The following PLA2G4E variants were observed in gnomAD, a reference collection of about 807,000 sequenced individuals.
PLA2G4E encodes cytosolic phospholipase A2 epsilon.
Under a neutral mutation model 109.1 loss-of-function variants are expected in PLA2G4E, and 84 were observed. That is an observed-to-expected ratio of 0.77 (90% CI 0.65 to 0.92). The LOEUF (loss-of-function observed/expected upper bound fraction) is 0.92. Among genes scored for constraint, PLA2G4E ranks in the 40% least tolerant of loss-of-function variants. PLA2G4E has a pLI of 0.00. For synonymous variants in PLA2G4E, 469 were observed against 436.1 expected (o/e 1.08, Z -0.94); for missense variants, 1,057 against 1,076.6 (o/e 0.98, Z 0.25).
At chr15:42,004,432 A>G (rs201380757) in intron 5 of PLA2G4E, among the ~76,000 whole-genome samples, 1 of 111,776 alleles carries the variant, frequency 8.9e-6, no homozygotes, top group Non-Finnish European at 2.1e-5. Context: ...CAGGCAGGCA[A>G]GAAAGAAGAT....
intron 1 of PLA2G4E, among the ~76,000 whole-genome samples, chr15:42,034,735 C>T (rs1165036481): frequency 6.6e-6 from 1 of 152,128 alleles, no homozygotes; most frequent in Admixed American, 6.5e-5. Flanking sequence ...CCATCTTTGT[C>T]ACCATGTGGA....
rs138616918 is a variant in PLA2G4E at position 41,986,696 on chromosome 15, T to C, written c.2035+476A>G. Among the ~76,000 whole-genome samples, 499 of 152,216 alleles carry C rather than the reference T, an allele frequency of 3.3e-3. 5 individuals carry two copies. The highest frequency in any genetic ancestry group is 0.012 in the African/African-American group (481 of 41,530). On this transcript the variant is annotated intron_variant, in intron 17 of 19. Transcript: ENST00000399518. ...CATGCCCAGCTAATTAAAAACAATT[T>C]TTTTTTAAGAGATGGGGTCTCACCA...
rs2665199 is a variant in PLA2G4E at position 41,983,270 on chromosome 15, C to A, written c.*484G>T. 0.78 allele frequency: 123,675 copies of A among 158,206 alleles called. 49,206 individuals carry two copies. The highest frequency in any genetic ancestry group is 0.93 in the African/African-American group (38,676 of 41,602). 9.8% of individuals were successfully genotyped at this position (158,206 alleles called of 1,614,324 possible). A position where few individuals can be genotyped will look rare whatever the true frequency, so the allele number is the denominator to read the frequency against. Reference sequence around the variant, plus strand: ...CAGAGTGAGACTCCGTCTAAAAAAACCCAAAAATCACAAGACTAGAATTGC... The same window carrying A: ...CAGAGTGAGACTCCGTCTAAAAAAAACCAAAAATCACAAGACTAGAATTGC... On this transcript the variant is annotated 3_prime_UTR_variant, in exon 20 of 20. Coordinates refer to ENST00000399518, the Ensembl canonical transcript of PLA2G4E.
intron 13 of PLA2G4E, among the ~76,000 whole-genome samples, chr15:41,990,751 T>C: frequency 1.4e-5 from 2 of 145,674 alleles, no homozygotes; most frequent in East Asian, 2.0e-4. Flanking sequence ...CTTCTTTTTT[T>C]TTTTTTTTTT....
intron 1 of PLA2G4E, among the ~76,000 whole-genome samples, chr15:42,017,358 A>G (rs957761305): frequency 5.9e-5 from 9 of 152,190 alleles, no homozygotes; most frequent in African/African-American, 1.9e-4. Context: ...GTGCCTTCCA[A>G]TGCAGGTGAC....
At chr15:42,016,463 G>A (rs577887892) in intron 1 of PLA2G4E, among the ~76,000 whole-genome samples, 2 of 152,000 alleles carry the variant, frequency 1.3e-5, no homozygotes, top group Admixed American at 1.3e-4. Context: ...TCAGTCTCCT[G>A]AGTAGCTGGA....
chr15:42,031,489 A>C (rs1445833315), intron 1 of PLA2G4E, among the ~76,000 whole-genome samples: 4 of 151,258 alleles, frequency 2.6e-5, no homozygotes, highest in Admixed American at 6.6e-5. Context: ...GCACTTTCCC[A>C]TTTTTCCTCC....
At chr15:41,992,780 G>A (rs758488652) in exon 13 of PLA2G4E, 2 of 1,613,216 alleles carry the variant, frequency 1.2e-6, no homozygotes, top group Admixed American at 3.3e-5. Flanking sequence ...CCAGAAGTCT[G>A]TAAAGGTGAC....
chr15:42,013,882 G>GTTTTT (rs10539531), intron 1 of PLA2G4E, 125 bp from the exon 2 acceptor site: 38 of 134,292 alleles, frequency 2.8e-4, no homozygotes, highest in African/African-American at 1.0e-3. Context: ...CCCTAGGCTG[G>GTTTTT]TTTTTTTTTT....
At chr15:42,011,519 C>T (rs1022831682) in intron 2 of PLA2G4E, among the ~76,000 whole-genome samples, 3 of 152,108 alleles carry the variant, frequency 2.0e-5, no homozygotes, top group East Asian at 1.9e-4. Context: ...CCCAGAAGTT[C>T]GAAACCAGCT....
intron 1 of PLA2G4E, among the ~76,000 whole-genome samples, chr15:42,027,319 G>C (rs912603438): frequency 6.6e-6 from 1 of 152,206 alleles, no homozygotes; most frequent in Non-Finnish European, 1.5e-5. Flanking sequence ...GATGGGGAAA[G>C]TTTTGTGGGT....
exon 2 of PLA2G4E, chr15:42,013,708 T>A: frequency 6.4e-7 from 1 of 1,550,652 alleles, no homozygotes; most frequent in South Asian, 1.2e-5. Flanking sequence ...CCGGACATTT[T>A]TCATCCGGAT....
chr15:41,982,104 A>G (rs765152487), exon 20 of PLA2G4E: 1 of 152,056 alleles, frequency 6.6e-6, no homozygotes, highest in Non-Finnish European at 1.5e-5. Flanking sequence ...TCGGAGGCCA[A>G]TTTTTCTAAA....
chr15:41,991,566 C>T (rs1331983642), intron 13 of PLA2G4E, among the ~76,000 whole-genome samples: 2 of 152,068 alleles, frequency 1.3e-5, no homozygotes, highest in East Asian at 1.9e-4. Flanking sequence ...GGGTTGGAAG[C>T]CATGTCCCAT....
chr15:42,011,626 A>T (rs1405207046), intron 2 of PLA2G4E, among the ~76,000 whole-genome samples: 1 of 152,120 alleles, frequency 6.6e-6, no homozygotes, highest in Non-Finnish European at 1.5e-5. Context: ...GCTACTTGGC[A>T]GGCTGAGATG....
intron 1 of PLA2G4E, among the ~76,000 whole-genome samples, chr15:42,050,019 C>T (rs1889480646): frequency 6.6e-6 from 1 of 152,252 alleles, no homozygotes; most frequent in Non-Finnish European, 1.5e-5. Flanking sequence ...CCCTCCAACT[C>T]TCTCTGACTC....
intron 1 of PLA2G4E, among the ~76,000 whole-genome samples, chr15:42,041,550 T>C (rs1889317128): frequency 6.6e-6 from 1 of 152,090 alleles, no homozygotes; most frequent in Admixed American, 6.6e-5. Context: ...TATTGCAGTG[T>C]ATATGATGAA....
intron 1 of PLA2G4E, among the ~76,000 whole-genome samples, chr15:42,039,326 G>T (rs187834453): frequency 6.6e-6 from 1 of 152,178 alleles, no homozygotes; most frequent in East Asian, 1.9e-4. Context: ...GCTCAATATT[G>T]GTAGAAATAT....
At chr15:42,048,891 C>T (rs1199576853) in intron 1 of PLA2G4E, among the ~76,000 whole-genome samples, 7 of 152,218 alleles carry the variant, frequency 4.6e-5, no homozygotes, top group Non-Finnish European at 8.8e-5. Context: ...ATTATGTTTT[C>T]GTTGCTCCCA....
Sources: gnomAD v4.1 joint callset for allele counts (sites outside exome capture counted in the v4.1 genomes callset) on GRCh38, gnomAD v4.1.1 for gene constraint, MANE v1.5 for transcripts, NCBI Gene and HGNC (gene_info 2026-07-23, HGNC 2026-07-21) for gene names.